The following RAB2B variants were observed in gnomAD, a reference collection of about 807,000 sequenced individuals.
RAB2B encodes the protein RAB2B, member RAS oncogene family, also known as ras-related protein Rab-2B.
Under a neutral mutation model 29.8 loss-of-function variants are expected in RAB2B, and 20 were observed. The ratio of observed to expected loss-of-function variants is 0.67; its 90% CI spans 0.47 to 0.97. The LOEUF (loss-of-function observed/expected upper bound fraction) is 0.97, where lower values mean the gene tolerates loss of function less well. Ranked by LOEUF, RAB2B falls within the 50% of genes least tolerant of loss-of-function variation. RAB2B has a pLI of 0.00. For synonymous variants in RAB2B, 93 were observed against 91.7 expected, an observed-to-expected ratio of 1.01 and a Z score of -0.08; for missense variants, 218 against 272.0, an observed-to-expected ratio of 0.80 and a Z score of 1.40.
Position 21,476,843 on chromosome 14 carries a change from G to A in RAB2B, c.30C>T (p.Ile10=). Residue 10 remains isoleucine (I), a synonymous_variant, in exon 1 of 8, where the codon ATC becomes ATT. Coordinates refer to ENST00000397762, the MANE Select transcript of RAB2B (RefSeq NM_032846.4). ...GAGGGTTACCTGTGTCTCCGATGAT[G>A]ATATACTTGAAGAGATAAGCATAAG... MTYAYLFKY[I]IIGDTGVGKS... 1 of 1,613,460 alleles carries A rather than the reference G, an allele frequency of 6.2e-7. No individual in the cohort carries two copies. Among genetic ancestry groups the A allele is most frequent in the East Asian group, 2.2e-5 (1 of 44,856 alleles).
chr14:21,473,629 C>T (rs1343433440), intron 3 of RAB2B, among the ~76,000 whole-genome samples: 1 of 152,132 alleles, frequency 6.6e-6, no homozygotes. Flanking sequence ...GCCTGTAATC[C>T]CAGCATTTTG....
intron 5 of RAB2B, among the ~76,000 whole-genome samples, chr14:21,465,883 T>C (rs1376416129): frequency 2.0e-5 from 3 of 151,750 alleles, no homozygotes; most frequent in South Asian, 2.1e-4. Flanking sequence ...TCAAGGTGTT[T>C]GTATAGTTTG....
In RAB2B at chr14:21,461,026, G is replaced by A; in HGVS notation, c.*170C>T. ...TATAGGGAATGCTCATGTCCCTGAA[G>A]GAGGACAGGTCAGTAAGGGCCCAAA... On this transcript the variant is annotated 3_prime_UTR_variant, in exon 8 of 8. Coordinates refer to ENST00000397762, the MANE Select transcript of RAB2B (RefSeq NM_032846.4). 1.9e-6 allele frequency: 1 copy of A among 523,232 alleles called. No individual in the cohort carries two copies. Among genetic ancestry groups the A allele is most frequent in the Non-Finnish European group, 3.4e-6 (1 of 290,120 alleles). The allele number at this position is 523,232 out of a possible 1,614,324, so 32.4% of individuals were successfully genotyped here.
chr14:21,463,849 G>A (rs1340743318), intron 5 of RAB2B, 82 bp from the exon 6 acceptor site: 55 of 919,450 alleles, frequency 6.0e-5, no homozygotes, highest in South Asian at 1.0e-4. Flanking sequence ...GAATTCCGTC[G>A]TGGTTTCAAC....
At chr14:21,470,404 T>C (rs1486227887) in intron 3 of RAB2B, among the ~76,000 whole-genome samples, 10 of 152,142 alleles carry the variant, frequency 6.6e-5, no homozygotes, top group Non-Finnish European at 1.3e-4. Flanking sequence ...AGCCACTATA[T>C]CATATAACCT....
chr14:21,468,597 T>A, intron 4 of RAB2B, 73 bp downstream of exon 4: 5 of 1,265,396 alleles, frequency 4.0e-6, no homozygotes, highest in African/African-American at 1.6e-5. Context: ...ACAGAATCAG[T>A]AGATAGAAAA....
chr14:21,464,385 G>A (rs1594408605), intron 5 of RAB2B, among the ~76,000 whole-genome samples: 1 of 151,186 alleles, frequency 6.6e-6, no homozygotes, highest in South Asian at 2.2e-4. Context: ...CAGCGACAGA[G>A]CAAGACTGTC....
intron 5 of RAB2B, among the ~76,000 whole-genome samples, chr14:21,467,647 T>C (rs1373325480): frequency 6.6e-6 from 1 of 152,188 alleles, no homozygotes; most frequent in African/African-American, 2.4e-5. Flanking sequence ...ACAGCTGCTA[T>C]GGAAAATGGT....
At position 21,459,087 on chromosome 14, in the gene RAB2B, T is replaced by C. The variant is rs1890476040; in HGVS notation, c.*2109A>G. 1 of 152,428 alleles carries C rather than the reference T, an allele frequency of 6.6e-6. No individual in the cohort carries two copies. The highest frequency in any genetic ancestry group is 6.6e-5 in the Admixed American group (1 of 15,260). The allele number at this position is 152,428 out of a possible 1,614,324, so 9.4% of individuals were successfully genotyped here. The stretch of plus-strand genomic sequence containing the variant: ...CAACAGCAAAAAGAAAGTAGAAAAA[T>C]TCGTAAGACCTCAGGGCTGTGGAAG... On this transcript the variant is annotated 3_prime_UTR_variant, in exon 8 of 8. Coordinates refer to ENST00000397762, the MANE Select transcript of RAB2B (RefSeq NM_032846.4).
chr14:21,470,012 C>T (rs551508122), intron 3 of RAB2B, among the ~76,000 whole-genome samples: 2 of 145,040 alleles, frequency 1.4e-5, no homozygotes, highest in Non-Finnish European at 1.5e-5. Context: ...AGTGCAGTGG[C>T]GCAATCTTGG....
rs764252903 is a variant in RAB2B, at chr14:21,460,297, ATTTATTTAG to A, written c.*890_*898del. Reference sequence around the variant, plus strand: ...GTGGATTGTATATGCTTACGAAATTATTTATTTAGGCCAGGCACGGTGGCTCACACCTGT... The same window carrying A: ...GTGGATTGTATATGCTTACGAAATTAGCCAGGCACGGTGGCTCACACCTGT... On this transcript the variant is annotated 3_prime_UTR_variant, in exon 8 of 8. Coordinates refer to ENST00000397762, the MANE Select transcript of RAB2B (RefSeq NM_032846.4). The A allele has an allele frequency of 9.7e-6, 5 of 518,040 alleles. No homozygotes were observed. The highest frequency in any genetic ancestry group is 1.9e-5 in the Non-Finnish European group (5 of 259,508). The allele number at this position is 518,040 out of a possible 1,614,324, so 32.1% of individuals were successfully genotyped here. A position where few individuals can be genotyped will look rare whatever the true frequency, so the allele number is the denominator to read the frequency against.
chr14:21,471,462 C>G (rs7157563), intron 3 of RAB2B, among the ~76,000 whole-genome samples: 123,082 of 151,522 alleles, frequency 0.81, 51,262 homozygotes, highest in Middle Eastern at 0.92. Flanking sequence ...AAAAAAAATA[C>G]AAAAAATTAG....
intron 3 of RAB2B, among the ~76,000 whole-genome samples, chr14:21,471,338 TG>T (rs1172548410): frequency 5.3e-5 from 8 of 151,166 alleles, no homozygotes; most frequent in African/African-American, 1.9e-4. Flanking sequence ...AGCAGCAGGC[TG>T]GGCACCGTGG....
At chr14:21,471,428 G>A (rs867672486) in intron 3 of RAB2B, among the ~76,000 whole-genome samples, 1 of 151,980 alleles carries the variant, frequency 6.6e-6, no homozygotes, top group Middle Eastern at 3.4e-3. Flanking sequence ...ACCAGCCTGG[G>A]CAACATGGTG....
intron 2 of RAB2B, among the ~76,000 whole-genome samples, chr14:21,475,265 C>G (rs1238152800): frequency 6.6e-6 from 1 of 152,090 alleles, no homozygotes; most frequent in East Asian, 1.9e-4. Flanking sequence ...GGTTAGGTAA[C>G]ATTTAGTTTT....
In RAB2B at chr14:21,460,767, C is replaced by T. The variant is rs747641689; in HGVS notation, c.*429G>A. ...TACCTGGGATTACAGGCATGCACCA[C>T]CACACCCAGCTAATTTTGTATTTTC... On this transcript the variant is annotated 3_prime_UTR_variant, in exon 8 of 8. Transcript: ENST00000397762. The T allele has an allele frequency of 1.6e-4, 24 of 153,680 alleles. No individual in the cohort carries two copies. The highest frequency in any genetic ancestry group is 3.4e-3 in the Middle Eastern group (1 of 292). 9.5% of individuals were successfully genotyped at this position (153,680 alleles called of 1,614,324 possible). A position where few individuals can be genotyped will look rare whatever the true frequency, so the allele number is the denominator to read the frequency against.
In RAB2B at chr14:21,459,282, T is replaced by C. The variant is rs1890481155; in HGVS notation, c.*1914A>G. 6.6e-6 allele frequency: 1 copy of C among 152,150 alleles called. No individual in the cohort carries two copies. Among genetic ancestry groups the C allele is most frequent in the South Asian group, 2.1e-4 (1 of 4,826 alleles). 9.4% of individuals were successfully genotyped at this position (152,150 alleles called of 1,614,324 possible). On this transcript the variant is annotated 3_prime_UTR_variant, in exon 8 of 8. Coordinates refer to ENST00000397762, the MANE Select transcript of RAB2B (RefSeq NM_032846.4). The stretch of plus-strand genomic sequence containing the variant: ...CTTACTAGCAGGCAGCCTTACTGTA[T>C]GCCTCATGGAATGGAGGCAAAAAGC...
At chr14:21,470,235 G>C (rs1890777212) in intron 3 of RAB2B, among the ~76,000 whole-genome samples, 1 of 152,106 alleles carries the variant, frequency 6.6e-6, no homozygotes, top group Non-Finnish European at 1.5e-5. Flanking sequence ...TTACAGGCAT[G>C]AGCCACCGTG....
In RAB2B at chr14:21,476,598, A is replaced by G. The variant is rs1303449090; in HGVS notation, c.48T>C (p.Gly16=). Residue 16 remains glycine, a splice_region_variant and synonymous_variant, in exon 2 of 8, where the codon GGT becomes GGC. Transcript: ENST00000397762. ...GCAGGAGGAGACATGACTTCCCCAC[A>G]CCTGAAAGAGAAAGCACACTCCCGG... is the stretch of plus-strand genomic sequence containing the variant. The part of the protein sequence containing the change: ...LFKYIIIGDT[G]VGKSCLLLQF... The G allele has an allele frequency of 3.1e-6, 5 of 1,613,704 alleles. No individual in the cohort carries two copies. Among genetic ancestry groups the G allele is most frequent in the Non-Finnish European group, 4.2e-6 (5 of 1,179,974 alleles).
Sources: allele counts gnomAD v4.1 joint callset (sites outside exome capture counted in the v4.1 genomes callset), GRCh38; gene constraint gnomAD v4.1.1; transcripts MANE v1.5; gene names NCBI Gene and HGNC (gene_info 2026-07-23, HGNC 2026-07-21).